Variants in POR observed in about 807,000 individuals in gnomAD.
POR encodes cytochrome p450 oxidoreductase.
A neutral mutation model predicts 84.0 loss-of-function variants in POR; 56 were observed. That is an observed-to-expected ratio of 0.67 (90% confidence interval 0.54 to 0.83). The LOEUF (loss-of-function observed/expected upper bound fraction) is 0.83, where lower values mean the gene tolerates loss of function less well. Among genes scored for constraint, POR ranks in the 40% least tolerant of loss-of-function variants. The probability of loss-of-function intolerance (pLI) is 0.00; values close to 1 mark genes in which losing one functional copy is unlikely to be tolerated. For synonymous variants in POR, 414 were observed against 400.5 expected (o/e 1.03, Z -0.40); for missense variants, 938 against 944.3 (o/e 0.99, Z 0.09).
chr7:75,928,548 C>T (rs900806868), intron 1 of POR, among the ~76,000 whole-genome samples: 4 of 152,056 alleles, frequency 2.6e-5, no homozygotes, highest in African/African-American at 7.3e-5. Flanking sequence ...CCCATCAGGA[C>T]GGCCCGGAAG....
Position 75,984,883 on chromosome 7 carries a change from G to C in POR, c.1173G>C (p.Glu391Asp). 6.2e-7 allele frequency: 1 copy of C among 1,612,522 alleles called. No individual in the cohort carries two copies. The highest frequency in any genetic ancestry group is 8.5e-7 in the Non-Finnish European group (1 of 1,179,772). Reference sequence around the variant, plus strand: ...CGCCGCGTACCAACGTGCTGTACGAGCTGGCGCAGTACGCCTCGGAGCCCT... The same window carrying C: ...CGCCGCGTACCAACGTGCTGTACGACCTGGCGCAGTACGCCTCGGAGCCCT... Residue 391 changes from glutamate (E) to aspartate (D), a missense_variant, in exon 11 of 16, where the codon GAG becomes GAC. Coordinates refer to ENST00000461988, the MANE Select transcript of POR (RefSeq NM_000941.3).
chr7:75,958,834 C>CA (rs1554554123), intron 2 of POR, among the ~76,000 whole-genome samples: 3 of 151,476 alleles, frequency 2.0e-5, no homozygotes, highest in East Asian at 3.9e-4. Context: ...CTACAATAAA[C>CA]AAAAAAGAGT....
chr7:75,982,861 T>C (rs1554558330), intron 8 of POR, among the ~76,000 whole-genome samples: 1 of 152,188 alleles, frequency 6.6e-6, no homozygotes, highest in Admixed American at 6.5e-5. Context: ...TTCTCTCTTG[T>C]CCACGGTGTA....
intron 1 of POR, among the ~76,000 whole-genome samples, chr7:75,950,528 T>C (rs1270985181): frequency 3.3e-5 from 5 of 152,136 alleles, no homozygotes; most frequent in African/African-American, 1.2e-4. Context: ...CCTGACTGGT[T>C]CCAGTGGGGC....
At chr7:75,918,406 C>A (rs1806683884) in intron 1 of POR, among the ~76,000 whole-genome samples, 1 of 152,158 alleles carries the variant, frequency 6.6e-6, no homozygotes, top group Non-Finnish European at 1.5e-5. Context: ...GGAGAAGCAT[C>A]TGAGTCAGAG....
intron 1 of POR, among the ~76,000 whole-genome samples, chr7:75,928,510 C>T (rs782669461): frequency 1.3e-5 from 2 of 152,228 alleles, no homozygotes; most frequent in Non-Finnish European, 2.9e-5. Flanking sequence ...ATTTAAGAGC[C>T]AGGGCCAGGC....
In POR at chr7:75,962,684, G is replaced by T. The variant is rs148951594; in HGVS notation, c.188+8504G>T. Among the ~76,000 whole-genome samples the T allele has an allele frequency of 3.4e-3, 519 of 152,200 alleles. 6 individuals are homozygous for T. Among genetic ancestry groups the T allele is most frequent in the African/African-American group, 0.012 (495 of 41,520 alleles). On this transcript the variant is annotated intron_variant, in intron 2 of 15. Coordinates refer to ENST00000461988, the MANE Select transcript of POR (RefSeq NM_000941.3). ...TGATTCTGTAATCAGTATCATAATC[G>T]AAATCTAGAACATTTCATCACTCCG...
intron 5 of POR, 83 bp from the exon 6 acceptor site, chr7:75,980,964 TG>T: frequency 6.9e-7 from 1 of 1,439,994 alleles, no homozygotes. Flanking sequence ...GCCAGTGCTG[TG>T]GGGCCTCCCG....
In POR at chr7:75,937,125, C is replaced by A. The variant is rs1258612044; in HGVS notation, c.-4-16864C>A. Among the ~76,000 whole-genome samples, 5 of 151,672 alleles carry A rather than the reference C, an allele frequency of 3.3e-5. 1 individual carries two copies. Among genetic ancestry groups the A allele is most frequent in the African/African-American group, 1.2e-4 (5 of 41,452 alleles). ...TACAGGCGTGAGCCACCGCATCCGG[C>A]CGCTGTTTCTGTTTTCTATATTTTT... On this transcript the variant is annotated intron_variant, in intron 1 of 15. Coordinates refer to ENST00000461988, the MANE Select transcript of POR (RefSeq NM_000941.3).
chr7:75,942,917 A>G (rs1393845609), intron 1 of POR, among the ~76,000 whole-genome samples: 1 of 151,552 alleles, frequency 6.6e-6, no homozygotes, highest in Non-Finnish European at 1.5e-5. Flanking sequence ...GTATTTGGTA[A>G]TAGTGGTTGA....
At chr7:75,926,547 G>T (rs1245869513) in intron 1 of POR, among the ~76,000 whole-genome samples, 1 of 152,082 alleles carries the variant, frequency 6.6e-6, no homozygotes, top group East Asian at 1.9e-4. Context: ...TGTAATCCCA[G>T]CACTTTGGGA....
At chr7:75,923,432 C>T (rs544715343) in intron 1 of POR, 18 of 595,388 alleles carry the variant, frequency 3.0e-5, no homozygotes, top group East Asian at 1.4e-4. Context: ...TCAGCTCATC[C>T]GCCAGCTGAA....
rs1789230137 is a variant in POR, at chr7:75,983,858, T to C, written c.1066+2T>C. The C allele has an allele frequency of 6.2e-7, 1 of 1,600,720 alleles. No homozygotes were observed. Among genetic ancestry groups the C allele is most frequent in the African/African-American group, 1.3e-5 (1 of 74,708 alleles). ...TCATGTCCCTGAACAACCTGGATGG[T>C]GAGTGCCACAGTCAGGGCGCCCTGC... On this transcript the variant is annotated splice_donor_variant, in intron 10 of 15. Transcript: ENST00000461988. LOFTEE classifies it high-confidence loss of function.
chr7:75,931,872 A>C (rs1807438631), intron 1 of POR, among the ~76,000 whole-genome samples: 2 of 152,172 alleles, frequency 1.3e-5, no homozygotes, highest in Non-Finnish European at 2.9e-5. Flanking sequence ...CCACCAGAAA[A>C]GCTGAGGCCA....
At chr7:75,963,918 T>C (rs782247201) in intron 2 of POR, among the ~76,000 whole-genome samples, 4 of 152,112 alleles carry the variant, frequency 2.6e-5, no homozygotes, top group Non-Finnish European at 5.9e-5. Flanking sequence ...GGGGTATGGA[T>C]TTTTTTCCCC....
intron 2 of POR, among the ~76,000 whole-genome samples, chr7:75,971,993 G>A (rs1425731818): frequency 6.6e-6 from 1 of 152,044 alleles, no homozygotes; most frequent in Admixed American, 6.6e-5. Flanking sequence ...GGCAGGGGCT[G>A]GAGAAGGAAG....
chr7:75,938,202 T>C (rs1161564245), intron 1 of POR, among the ~76,000 whole-genome samples: 6 of 152,200 alleles, frequency 3.9e-5, no homozygotes, highest in Non-Finnish European at 8.8e-5. Context: ...TAAGTCCTGT[T>C]GTGTGGGGAA....
chr7:75,981,783 GC>G, intron 7 of POR, 177 bp downstream of exon 7: 2 of 612,058 alleles, frequency 3.3e-6, no homozygotes, highest in Non-Finnish European at 5.7e-6. Flanking sequence ...GCTCTGCACT[GC>G]CCTGGGGCAG....
rs946303485 is a variant in POR at position 75,986,577 on chromosome 7, G to A, written c.*96G>A. The A allele has an allele frequency of 2.7e-6, 4 of 1,460,394 alleles. No homozygotes were observed. In the African/African-American group the frequency reaches 4.2e-5, roughly 15 times the overall value. The allele number at this position is 1,460,394 out of a possible 1,614,324, so 90.5% of individuals were successfully genotyped here. A position where few individuals can be genotyped will look rare whatever the true frequency, so the allele number is the denominator to read the frequency against. On this transcript the variant is annotated 3_prime_UTR_variant, in exon 16 of 16. Transcript: ENST00000461988. ...TCCTGGGTGTGTTTGGCTTGGCCTT[G>A]GCATGGGCGCAGGCCCAGTGACAAA... is the stretch of plus-strand genomic sequence containing the variant.
Sources: gnomAD v4.1 joint callset for allele counts (sites outside exome capture counted in the v4.1 genomes callset) on GRCh38, gnomAD v4.1.1 for gene constraint, MANE v1.5 for transcripts, NCBI Gene and HGNC (gene_info 2026-07-23, HGNC 2026-07-21) for gene names.